GPR173: variants seen among roughly 807,000 people sequenced by gnomAD.
The protein encoded by GPR173 is G protein-coupled receptor 173.
A neutral mutation model predicts 13.9 loss-of-function variants in GPR173; 2 were observed. The observed-to-expected ratio is 0.14, with a 90% CI of 0.06 to 0.45. The LOEUF is 0.45. Ranked by LOEUF, GPR173 falls within the 20% of genes least tolerant of loss-of-function variation. GPR173 has a pLI of 0.98. For synonymous variants in GPR173, 131 were observed against 141.0 expected (o/e 0.93, Z 0.50); for missense variants, 202 against 340.5 (o/e 0.59, Z 3.20).
intron 1 of GPR173, among the ~76,000 whole-genome samples, chrX:53,057,322 CA>C (rs1932051983): frequency 9.4e-6 from 1 of 106,342 alleles, no homozygotes; most frequent in Middle Eastern, 4.4e-3. Flanking sequence ...GAGGCTGAGG[CA>C]GGAGAATCAC....
intron 1 of GPR173, among the ~76,000 whole-genome samples, chrX:53,060,580 CAA>C (rs111798225): frequency 5.9e-4 from 36 of 61,534 alleles, no homozygotes; most frequent in African/African-American, 6.0e-4. Flanking sequence ...GACTCCGTCT[CAA>C]AAAAAAAAAA....
chrX:53,075,140 A>G (rs782795342), intron 1 of GPR173, among the ~76,000 whole-genome samples: 4 of 107,679 alleles, frequency 3.7e-5, no homozygotes, highest in Non-Finnish European at 7.7e-5. Context: ...TTCCACCCAC[A>G]GTGGCTTCCT....
chrX:53,075,713 C>T (rs1556805722), intron 1 of GPR173, among the ~76,000 whole-genome samples: 1 of 110,357 alleles, frequency 9.1e-6, no homozygotes, highest in African/African-American at 3.3e-5. Flanking sequence ...CCACTGTCTC[C>T]CTTGCTCTCA....
chrX:53,074,772 A>T (rs1278046685), intron 1 of GPR173, among the ~76,000 whole-genome samples: 1 of 95,943 alleles, frequency 1.0e-5, no homozygotes, highest in East Asian at 3.1e-4. Context: ...TATAATTTAT[A>T]TATAAATTTT....
Position 53,074,328 on chromosome X carries a change from A to G in GPR173, c.-97-2197A>G, listed in dbSNP as rs782524882. On this transcript the variant is annotated intron_variant, in intron 1 of 1. Transcript: ENST00000332582. The stretch of plus-strand genomic sequence containing the variant: ...TATACATTCATATATATTTATATAT[A>G]AATGTATATTTATATATATTTATAT... Among the ~76,000 whole-genome samples, 81 of 66,795 alleles carry G rather than the reference A, an allele frequency of 1.2e-3. 5 individuals carry two copies. Among genetic ancestry groups the G allele is most frequent in the Admixed American group, 2.2e-3 (9 of 4,174 alleles). The allele number at this position is 66,795 out of a possible 115,157, so 58.0% of individuals were successfully genotyped here. A position where few individuals can be genotyped will look rare whatever the true frequency, so the allele number is the denominator to read the frequency against.
At chrX:53,075,498 G>C (rs1932419667) in intron 1 of GPR173, among the ~76,000 whole-genome samples, 1 of 105,762 alleles carries the variant, frequency 9.5e-6, no homozygotes, top group African/African-American at 3.5e-5. Context: ...GTTCACAGCT[G>C]TATCCCCAAT....
intron 1 of GPR173, among the ~76,000 whole-genome samples, chrX:53,050,267 G>A (rs782313084): frequency 2.1e-4 from 23 of 111,494 alleles, no homozygotes; most frequent in African/African-American, 7.5e-4. Flanking sequence ...CCAATCCCAT[G>A]ACAACCTGCA....
chrX:53,058,880 C>A (rs1046573288), intron 1 of GPR173, among the ~76,000 whole-genome samples: 3 of 105,545 alleles, frequency 2.8e-5, no homozygotes, highest in Admixed American at 1.0e-4. Flanking sequence ...AAATGGCGAA[C>A]GCATTTCGCC....
chrX:53,075,061 C>G (rs944723694), intron 1 of GPR173, among the ~76,000 whole-genome samples: 1 of 105,799 alleles, frequency 9.5e-6, no homozygotes, highest in Non-Finnish European at 1.9e-5. Context: ...GTTCTCGCCA[C>G]GGCCTCCCTG....
chrX:53,060,594 A>G (rs1285364677), intron 1 of GPR173, among the ~76,000 whole-genome samples: 2 of 108,789 alleles, frequency 1.8e-5, no homozygotes, highest in African/African-American at 6.7e-5. Context: ...AAAAAAAAAA[A>G]AAGACAACAG....
At chrX:53,071,388 C>G (rs1457131506) in intron 1 of GPR173, among the ~76,000 whole-genome samples, 3 of 112,283 alleles carry the variant, frequency 2.7e-5, no homozygotes, top group South Asian at 3.6e-4. Context: ...CTAAAATAGT[C>G]AACAACTCTA....
chrX:53,073,881 A>C (rs1932309937), intron 1 of GPR173, among the ~76,000 whole-genome samples: 2 of 44,470 alleles, frequency 4.5e-5, no homozygotes, highest in Non-Finnish European at 7.8e-5. Flanking sequence ...ATATAATTAT[A>C]TATATATTTA....
chrX:53,056,236 A>C (rs1556803209), intron 1 of GPR173, among the ~76,000 whole-genome samples: 1 of 109,933 alleles, frequency 9.1e-6, no homozygotes, highest in African/African-American at 3.3e-5. Context: ...AGATGCGTGT[A>C]TATGAGAACG....
At chrX:53,074,369 TATAA>T (rs1303909771) in intron 1 of GPR173, among the ~76,000 whole-genome samples, 2 of 44,662 alleles carry the variant, frequency 4.5e-5, no homozygotes, top group East Asian at 6.3e-4. Flanking sequence ...TATATTTATT[TATAA>T]ATAAATATAT....
intron 1 of GPR173, among the ~76,000 whole-genome samples, chrX:53,067,229 G>A (rs1556804289): frequency 9.0e-6 from 1 of 111,163 alleles, no homozygotes; most frequent in African/African-American, 3.3e-5. Flanking sequence ...AGCAATAATT[G>A]AACATGGCCC....
chrX:53,075,539 TGATA>T (rs1295742852), intron 1 of GPR173, among the ~76,000 whole-genome samples: 6 of 107,386 alleles, frequency 5.6e-5, no homozygotes, highest in African/African-American at 2.0e-4. Context: ...CACAGATGCT[TGATA>T]AATATTTTTT....
At position 53,072,393 on chromosome X, in the gene GPR173, GCTCTCTCT is replaced by G. The variant is rs111935395; in HGVS notation, c.-97-4115_-97-4108del. ...TCCCTGCTCTCCTTTTCTCTCTCTTGCTCTCTCTCTCTCTCTCTCTCTCTATTTCTCTC... is the reference window on the plus strand; with the variant it reads ...TCCCTGCTCTCCTTTTCTCTCTCTTGCTCTCTCTCTCTCTCTATTTCTCTC... On this transcript the variant is annotated intron_variant, in intron 1 of 1. Transcript: ENST00000332582. 7.8e-5 allele frequency among the ~76,000 whole-genome samples: 7 copies of G among 90,102 alleles called. No individual in the cohort carries two copies. In the South Asian group the frequency reaches 2.8e-3, roughly 36 times the overall value. The allele number at this position is 90,102 out of a possible 115,157, so 78.2% of individuals were successfully genotyped here.
chrX:53,074,884 A>G (rs1556805622), intron 1 of GPR173, among the ~76,000 whole-genome samples: 1 of 102,445 alleles, frequency 9.8e-6, no homozygotes, highest in African/African-American at 3.6e-5. Context: ...ATTATCTGTC[A>G]CCTGGATTGC....
chrX:53,052,953 T>G (rs1406971805), intron 1 of GPR173, among the ~76,000 whole-genome samples: 2 of 111,474 alleles, frequency 1.8e-5, no homozygotes, highest in African/African-American at 6.5e-5. Context: ...TGTGTACATG[T>G]GTGTGAATAT....
Sources: allele counts gnomAD v4.1 joint callset (sites outside exome capture counted in the v4.1 genomes callset), GRCh38; gene constraint gnomAD v4.1.1; transcripts MANE v1.5; gene names NCBI Gene and HGNC (gene_info 2026-07-23, HGNC 2026-07-21).